Variants in COL12A1 observed in about 807,000 individuals in gnomAD.
COL12A1 encodes the protein collagen alpha-1(XII) chain.
A neutral mutation model predicts 349.7 loss-of-function variants in COL12A1; 114 were observed. The ratio of observed to expected loss-of-function variants is 0.33; its 90% CI spans 0.28 to 0.38. The LOEUF (loss-of-function observed/expected upper bound fraction) is 0.38, where lower values mean the gene tolerates loss of function less well. COL12A1 is among the 10% of genes least tolerant of loss of function. COL12A1 has a pLI of 1.00. For synonymous variants in COL12A1, 1,369 were observed against 1,329.0 expected (o/e 1.03, Z -0.66); for missense variants, 3,284 against 3,756.9 (o/e 0.87, Z 3.29).
chr6:75,181,768 G>A (rs192503188), intron 10 of COL12A1, among the ~76,000 whole-genome samples: 49 of 151,854 alleles, frequency 3.2e-4, no homozygotes, highest in Non-Finnish European at 5.7e-4. Flanking sequence ...ATAGAGAAAC[G>A]AGAGAATGCA....
In COL12A1 at chr6:75,134,819, G is replaced by T; in HGVS notation, c.5431C>A (p.Gln1811Lys). 6.2e-7 allele frequency: 1 copy of T among 1,613,022 alleles called. No homozygotes were observed. The highest frequency in any genetic ancestry group is 8.5e-7 in the Non-Finnish European group (1 of 1,179,318). The stretch of plus-strand genomic sequence containing the variant: ...TAAGGAGTGTCTGGCTTCAGTTTCT[G>T]CAGGACCACACTGTTCTGCCGTCCT... ...IGGRQNSVVL[Q>K]KLKPDTPYTI... is the part of the protein sequence containing the mutation. The change falls in exon 32 of 66, where the codon CAG becomes AAG. Residue 1811 changes from glutamine (Q) to lysine (K), a missense_variant. Physicochemically the swap from Gln to Lys is moderately conservative, Grantham distance 53. This residue lies in a region of COL12A1 where 2,601 missense variants were observed against 2,824.8 expected (regional missense o/e 0.92). Transcript: ENST00000322507.
At chr6:75,193,821 G>A (rs916883592) in intron 3 of COL12A1, among the ~76,000 whole-genome samples, 2 of 151,142 alleles carry the variant, frequency 1.3e-5, no homozygotes, top group African/African-American at 2.4e-5. Context: ...GTGAGAACAT[G>A]CGGTGTTTGG....
intron 20 of COL12A1, 25 bp downstream of exon 20, chr6:75,151,842 C>T: frequency 6.2e-7 from 1 of 1,607,776 alleles, no homozygotes; most frequent in Non-Finnish European, 8.5e-7. Context: ...ACCCCAGGGG[C>T]ATCACTGTCC....
intron 60 of COL12A1, among the ~76,000 whole-genome samples, chr6:75,091,745 TC>T (rs1340768864): frequency 6.6e-6 from 1 of 152,138 alleles, no homozygotes. Context: ...GAAGCACATG[TC>T]CTCCAAAATA....
In COL12A1 at chr6:75,174,650, A is replaced by G. The variant is rs146290314; in HGVS notation, c.2710+388T>C. Among the ~76,000 whole-genome samples, 382 of 152,346 alleles carry G rather than the reference A, an allele frequency of 2.5e-3. 10 individuals carry two copies. Among genetic ancestry groups the G allele is most frequent in the Non-Finnish European group, 4.9e-4 (33 of 68,026 alleles). On this transcript the variant is annotated intron_variant, in intron 13 of 65. Coordinates refer to ENST00000322507, the MANE Select transcript of COL12A1 (RefSeq NM_004370.6). ...GAATGGAAGTCAGAAAATGGCTCTTATCTGGATCTGAAAGATAGAACTAGC... is the reference window on the plus strand; with the variant it reads ...GAATGGAAGTCAGAAAATGGCTCTTGTCTGGATCTGAAAGATAGAACTAGC...
At chr6:75,129,826 T>C (rs940940321) in intron 37 of COL12A1, among the ~76,000 whole-genome samples, 1 of 152,186 alleles carries the variant, frequency 6.6e-6, no homozygotes, top group Non-Finnish European at 1.5e-5. Context: ...TGGTTAGAAA[T>C]GCTCAGTTAA....
At chr6:75,159,132 T>A (rs937072196) in intron 14 of COL12A1, among the ~76,000 whole-genome samples, 7 of 151,702 alleles carry the variant, frequency 4.6e-5, no homozygotes, top group East Asian at 1.9e-4. Flanking sequence ...CATATTTTTT[T>A]AAAAACACAT....
intron 1 of COL12A1, 92 bp from the exon 2 acceptor site, chr6:75,202,919 A>G (rs535860535): frequency 1.3e-6 from 1 of 763,722 alleles, no homozygotes; most frequent in African/African-American, 1.8e-5. Flanking sequence ...CCAGAACCCG[A>G]CCAGATCTGC....
At chr6:75,160,609 C>T (rs1251171442) in intron 14 of COL12A1, among the ~76,000 whole-genome samples, 1 of 152,208 alleles carries the variant, frequency 6.6e-6, no homozygotes, top group Non-Finnish European at 1.5e-5. Context: ...TTTTCACATA[C>T]AGTCGCCCTT....
chr6:75,093,536 G>A (rs1210497889), intron 60 of COL12A1, among the ~76,000 whole-genome samples: 4 of 152,252 alleles, frequency 2.6e-5, no homozygotes, highest in Non-Finnish European at 4.4e-5. Context: ...TTTGAAGGAC[G>A]AGGAAAATGA....
chr6:75,154,121 C>T (rs1767631325), intron 17 of COL12A1, among the ~76,000 whole-genome samples: 1 of 151,352 alleles, frequency 6.6e-6, no homozygotes, highest in African/African-American at 2.4e-5. Flanking sequence ...ACATTAATTA[C>T]ATCACTAATA....
chr6:75,151,326 A>C, intron 20 of COL12A1, 39 bp from the exon 21 acceptor site: 14 of 1,584,250 alleles, frequency 8.8e-6, no homozygotes, highest in Middle Eastern at 1.7e-4. Context: ...AGCACTTCTC[A>C]GAAAAAAATT....
chr6:75,142,301 T>A, intron 26 of COL12A1, 140 bp from the exon 27 acceptor site: 1 of 961,752 alleles, frequency 1.0e-6, no homozygotes, highest in Non-Finnish European at 1.5e-6. Context: ...TACATGAGAA[T>A]CCAGAAACTG....
At chr6:75,170,207 A>G (rs1768550971) in intron 13 of COL12A1, among the ~76,000 whole-genome samples, 1 of 152,242 alleles carries the variant, frequency 6.6e-6, no homozygotes, top group Admixed American at 6.5e-5. Flanking sequence ...ATTAATCATC[A>G]TGAAATAAAA....
intron 38 of COL12A1, among the ~76,000 whole-genome samples, chr6:75,127,906 G>T (rs1046616357): frequency 4.6e-5 from 7 of 152,028 alleles, no homozygotes; most frequent in African/African-American, 1.7e-4. Flanking sequence ...TGTATTTATG[G>T]CTTAAGATTC....
chr6:75,116,980 C>G (rs1215229569), intron 47 of COL12A1, among the ~76,000 whole-genome samples: 1 of 152,084 alleles, frequency 6.6e-6, no homozygotes, highest in Non-Finnish European at 1.5e-5. Flanking sequence ...TCTGAGGAAC[C>G]ATTTTTCTTC....
At chr6:75,197,764 TAA>T (rs1272794013) in intron 2 of COL12A1, among the ~76,000 whole-genome samples, 2 of 152,214 alleles carry the variant, frequency 1.3e-5, no homozygotes, top group East Asian at 1.9e-4. Context: ...ATACTGACAG[TAA>T]AGAGACTAAA....
intron 46 of COL12A1, 151 bp from the exon 47 acceptor site, chr6:75,117,697 A>G: frequency 1.5e-6 from 1 of 646,528 alleles, no homozygotes. Flanking sequence ...TCTTTAATAA[A>G]TACATACTTT....
chr6:75,165,417 A>G, intron 14 of COL12A1, 90 bp downstream of exon 14: 1 of 1,480,078 alleles, frequency 6.8e-7, no homozygotes, highest in Non-Finnish European at 9.1e-7. Flanking sequence ...TAAAGAAAAA[A>G]CATTCAAGTG....
Sources: gnomAD v4.1 joint callset for allele counts (sites outside exome capture counted in the v4.1 genomes callset) on GRCh38, gnomAD v4.1.1 for gene constraint, gnomAD v4.1.1 regional missense constraint, MANE v1.5 for transcripts, NCBI Gene and HGNC (gene_info 2026-07-23, HGNC 2026-07-21) for gene names.